The following EPM2A variants were observed in gnomAD, a reference collection of about 807,000 sequenced individuals.
EPM2A encodes laforin.
In EPM2A, 21 loss-of-function variants were observed where a neutral mutation model predicts 26.5. The ratio of observed to expected loss-of-function variants is 0.79; its 90% CI spans 0.56 to 1.14. The LOEUF is 1.14. EPM2A is among the 50% of genes most tolerant of loss of function. The pLI is 0.00. For synonymous variants in EPM2A, 217 were observed against 177.6 expected (o/e 1.22, Z -1.76); for missense variants, 458 against 440.8 (o/e 1.04, Z -0.35).
intron 4 of EPM2A, among the ~76,000 whole-genome samples, chr6:145,492,946 G>A (rs1779773638): frequency 1.3e-5 from 2 of 152,204 alleles, no homozygotes; most frequent in Admixed American, 6.5e-5. Context: ...GCTGTTCCAG[G>A]CTTGAGGGTG....
intron 4 of EPM2A, chr6:145,491,915 A>G (rs2114742336): frequency 2.2e-6 from 1 of 454,870 alleles, no homozygotes; most frequent in Non-Finnish European, 4.2e-6. Flanking sequence ...AAGAATTTAT[A>G]GAAGAACTTA....
At chr6:145,520,561 A>T (rs1341158960) in intron 2 of EPM2A, among the ~76,000 whole-genome samples, 1 of 152,206 alleles carries the variant, frequency 6.6e-6, no homozygotes, top group Non-Finnish European at 1.5e-5. Flanking sequence ...AAATAGAGAC[A>T]CGTTATTTTG....
chr6:145,385,024 A>C (rs965692733), intron 4 of EPM2A, among the ~76,000 whole-genome samples: 1 of 148,180 alleles, frequency 6.7e-6, no homozygotes, highest in Non-Finnish European at 1.5e-5. Context: ...TATCAAGGAA[A>C]TGTAAATAGC....
At chr6:145,544,432 C>G (rs1033031291) in intron 2 of EPM2A, among the ~76,000 whole-genome samples, 8 of 152,140 alleles carry the variant, frequency 5.3e-5, no homozygotes, top group Non-Finnish European at 5.9e-5. Context: ...GAACATAGTT[C>G]ACTGCTTCCT....
intron 4 of EPM2A, among the ~76,000 whole-genome samples, chr6:145,493,462 A>G (rs1267810353): frequency 6.6e-6 from 1 of 152,180 alleles, no homozygotes; most frequent in East Asian, 1.9e-4. Flanking sequence ...CTCTCCTCCT[A>G]TTTGAATGCC....
intron 2 of EPM2A, among the ~76,000 whole-genome samples, chr6:145,568,151 G>A (rs1780908253): frequency 6.6e-6 from 1 of 152,104 alleles, no homozygotes; most frequent in Admixed American, 6.6e-5. Context: ...TGCATTTCTG[G>A]TATTCCCAAA....
intron 2 of EPM2A, among the ~76,000 whole-genome samples, chr6:145,537,080 TAATCA>T (rs1780442361): frequency 6.6e-6 from 1 of 152,224 alleles, no homozygotes. Flanking sequence ...CATCAGCTAT[TAATCA>T]AATTCTGGCC....
At chr6:145,475,628 A>T (rs912896439) in intron 4 of EPM2A, among the ~76,000 whole-genome samples, 6 of 152,186 alleles carry the variant, frequency 3.9e-5, no homozygotes, top group African/African-American at 1.2e-4. Flanking sequence ...AAAAAAATTT[A>T]AAAAGAAAGT....
At chr6:145,496,022 C>T (rs1779814993) in intron 4 of EPM2A, among the ~76,000 whole-genome samples, 1 of 152,160 alleles carries the variant, frequency 6.6e-6, no homozygotes, top group African/African-American at 2.4e-5. Flanking sequence ...TCAGCATTTG[C>T]TTGTCTCTAA....
downstream of EPM2A, among the ~76,000 whole-genome samples, chr6:145,624,581 G>A (rs1775707382): frequency 6.6e-6 from 1 of 152,164 alleles, no homozygotes; most frequent in South Asian, 2.1e-4. Flanking sequence ...GTCATTTGAT[G>A]TCTGTGGGTC....
chr6:145,635,284 C>T lies in EPM2A; in HGVS notation c.679G>A (p.Ala227Thr), dbSNP rs1562424012. ...TCTGGTGTTGGCATCCAGATGTAGG[C>T]CAAGCCTTCTTCCCTATATAGTTTA... ...MIKLYREEGL[A>T]YIWMPTPDMS... Residue 227 changes from alanine (A) to threonine (T), a missense_variant, in exon 3 of 4, where the codon GCC becomes ACC. Ala to Thr is a moderately conservative substitution (Grantham distance 58). Coordinates refer to ENST00000367519, the MANE Select transcript of EPM2A (RefSeq NM_005670.4). 2 of 1,614,156 alleles carry T rather than the reference C, an allele frequency of 1.2e-6. No individual in the cohort carries two copies. Among genetic ancestry groups the T allele is most frequent in the Non-Finnish European group, 1.7e-6 (2 of 1,180,026 alleles).
chr6:145,697,434 G>C (rs554130735), intron 1 of EPM2A, among the ~76,000 whole-genome samples: 5 of 152,044 alleles, frequency 3.3e-5, no homozygotes, highest in African/African-American at 4.8e-5. Flanking sequence ...ATGAAGTTTC[G>C]GGCACACATT....
intron 1 of EPM2A, among the ~76,000 whole-genome samples, chr6:145,703,553 G>C (rs1033118777): frequency 6.6e-6 from 1 of 151,934 alleles, no homozygotes; most frequent in Non-Finnish European, 1.5e-5. Context: ...ATTTTTCAAG[G>C]CAATTACTCT....
chr6:145,489,063 A>T (rs187150619), intron 4 of EPM2A, among the ~76,000 whole-genome samples: 3 of 152,246 alleles, frequency 2.0e-5, no homozygotes, highest in Admixed American at 1.3e-4. Flanking sequence ...TTTTCTTAAC[A>T]TTCTCGAAAT....
Position 145,627,215 on chromosome 6 carries a change from C to T in EPM2A, c.*201G>A. The T allele has an allele frequency of 6.9e-7, 1 of 1,455,624 alleles. No homozygotes were observed. The highest frequency in any genetic ancestry group is 9.0e-7 in the Non-Finnish European group (1 of 1,111,454). The allele number at this position is 1,455,624 out of a possible 1,614,324, so 90.2% of individuals were successfully genotyped here. On this transcript the variant is annotated 3_prime_UTR_variant, in exon 4 of 4. Coordinates refer to ENST00000367519, the MANE Select transcript of EPM2A (RefSeq NM_005670.4). ...TCGTGCTTCTTCTCATGTGTTGAGC[C>T]ACAGCTTTCTTGTAGAGTATTTCAA...
intron 1 of EPM2A, chr6:145,705,980 T>A (rs201107177): frequency 1.1e-4 from 49 of 455,950 alleles, no homozygotes; most frequent in Non-Finnish European, 1.8e-4. Flanking sequence ...ATTCAAGCAA[T>A]TTATTTAAAT....
At chr6:145,606,095 C>T (rs1417465427) in intron 2 of EPM2A, among the ~76,000 whole-genome samples, 1 of 152,044 alleles carries the variant, frequency 6.6e-6, no homozygotes, top group African/African-American at 2.4e-5. Context: ...TTTCACATTT[C>T]ACCAAAGAGA....
intron 4 of EPM2A, among the ~76,000 whole-genome samples, chr6:145,464,822 G>A: frequency 6.6e-6 from 1 of 152,054 alleles, no homozygotes; most frequent in East Asian, 1.9e-4. Context: ...ACCCTTCAAA[G>A]CCCTAAATTA....
chr6:145,720,882 C>A (rs951127547), intron 1 of EPM2A: 8 of 152,096 alleles, frequency 5.3e-5, no homozygotes, highest in Non-Finnish European at 8.8e-5. Context: ...ATAACCTGAC[C>A]GGGTGCAGTG....
Sources: allele counts gnomAD v4.1 joint callset (sites outside exome capture counted in the v4.1 genomes callset), GRCh38; gene constraint gnomAD v4.1.1; transcripts MANE v1.5; gene names NCBI Gene and HGNC (gene_info 2026-07-23, HGNC 2026-07-21).